CLTA: variants seen among roughly 807,000 people sequenced by gnomAD.
The protein encoded by CLTA is clathrin light chain A, also known as clathrin, light polypeptide (Lca).
In CLTA, 9 loss-of-function variants were observed where a neutral mutation model predicts 26.9. That is an observed-to-expected ratio of 0.33 (90% CI 0.20 to 0.58). The LOEUF is 0.58. Among genes scored for constraint, CLTA ranks in the 20% least tolerant of loss-of-function variants. CLTA has a pLI of 0.85. For missense variants in CLTA, 278 were observed against 294.2 expected (o/e 0.94, Z 0.40); for synonymous variants, 120 against 115.5 (o/e 1.04, Z -0.25).
chr9:36,191,200 C>G lies in CLTA; in HGVS notation c.144C>G (p.Asn48Lys). 1 of 1,575,054 alleles carries G rather than the reference C, an allele frequency of 6.3e-7. No homozygotes were observed. Among genetic ancestry groups the G allele is most frequent in the African/African-American group, 1.4e-5 (1 of 73,914 alleles). Residue 48 changes from asparagine to lysine, a missense_variant, in exon 1 of 5, where the codon AAC becomes AAG. By Grantham distance (94) the Asn-to-Lys change is moderately conservative (BLOSUM62 0). Transcript: ENST00000345519. ...QQESEIAGIE[N>K]DEAFAILDGG... Reference sequence around the variant, plus strand: ...AGAGCGAGATTGCGGGCATCGAGAACGACGAGGCCTTCGCCATCCTGGACG... The same window carrying G: ...AGAGCGAGATTGCGGGCATCGAGAAGGACGAGGCCTTCGCCATCCTGGACG...
Position 36,191,287 on chromosome 9 carries a change from C to T in CLTA, c.217+14C>T. ...CGGGGGGTCCGGGTGAGAGTGCGGG[C>T]GCGTTTGGGGCGAGAGGACTTGTCT... On this transcript the variant is annotated intron_variant, in intron 1 of 4. Transcript: ENST00000345519. The T allele has an allele frequency of 2.0e-6, 3 of 1,503,860 alleles. No homozygotes were observed. The highest frequency in any genetic ancestry group is 2.6e-6 in the Non-Finnish European group (3 of 1,134,000). 93.2% of individuals were successfully genotyped at this position (1,503,860 alleles called of 1,614,324 possible).
chr9:36,204,458 C>T (rs2025879), intron 4 of CLTA, among the ~76,000 whole-genome samples: 57,719 of 151,940 alleles, frequency 0.38, 12,360 homozygotes, highest in African/African-American at 0.59. Context: ...AAGTTACTTT[C>T]CATGGAACCC....
At position 36,211,622 on chromosome 9, in the gene CLTA, G is replaced by A. The variant is rs1409860820; in HGVS notation, c.505G>A (p.Val169Ile). The part of the protein sequence containing the change: ...ANNRAAEEAF[V>I]NDIDESSPGT... Reference sequence around the variant, plus strand: ...TTCCAGGGCAGCAGAAGAAGCCTTTGTAAATGACATTGACGAGTCGTCCCC... The same window carrying A: ...TTCCAGGGCAGCAGAAGAAGCCTTTATAAATGACATTGACGAGTCGTCCCC... The change falls in exon 5 of 5, where the codon GTA becomes ATA. Residue 169 changes from valine to isoleucine, a missense_variant. Transcript: ENST00000345519. 1 of 1,612,980 alleles carries A rather than the reference G, an allele frequency of 6.2e-7. No homozygotes were observed. Among genetic ancestry groups the A allele is most frequent in the Admixed American group, 1.7e-5 (1 of 59,946 alleles).
At chr9:36,203,935 A>G in intron 3 of CLTA, 133 bp from the exon 4 acceptor site, 1 of 1,244,394 alleles carries the variant, frequency 8.0e-7, no homozygotes, top group Non-Finnish European at 1.1e-6. Flanking sequence ...TCCCCTCTCT[A>G]CTCTTCTCCC....
chr9:36,199,119 T>C lies in CLTA; in HGVS notation c.373+23T>C, dbSNP rs1027892301. Reference sequence around the variant, plus strand: ...TTGGTAAGGAATCCCTTCTGTGTTTTGGTGTCTGTTTTCAGTGGAGTAGTT... The same window carrying C: ...TTGGTAAGGAATCCCTTCTGTGTTTCGGTGTCTGTTTTCAGTGGAGTAGTT... On this transcript the variant is annotated intron_variant, in intron 3 of 4. Coordinates refer to ENST00000345519, the MANE Select transcript of CLTA (RefSeq NM_001833.4). The C allele has an allele frequency of 3.3e-6, 5 of 1,497,040 alleles. No homozygotes were observed. The African/African-American group carries it at 6.9e-5, about 21-fold the overall frequency. 92.7% of individuals were successfully genotyped at this position (1,497,040 alleles called of 1,614,324 possible). A position where few individuals can be genotyped will look rare whatever the true frequency, so the allele number is the denominator to read the frequency against.
At chr9:36,198,702 G>GAA (rs546254007) in intron 2 of CLTA, among the ~76,000 whole-genome samples, 12 of 66,272 alleles carry the variant, frequency 1.8e-4, no homozygotes, top group East Asian at 9.0e-4. Context: ...CCCCACCCCA[G>GAA]AAAAAAAAAA....
chr9:36,210,555 T>C, intron 4 of CLTA: 1 of 1,610,466 alleles, frequency 6.2e-7, no homozygotes, highest in Non-Finnish European at 8.5e-7. Context: ...CCATCTGCAT[T>C]GAGCTCATTC....
rs147208924 is a variant in CLTA, at chr9:36,191,337, G to A, written c.217+64G>A. On this transcript the variant is annotated intron_variant, in intron 1 of 4. Transcript: ENST00000345519. Reference sequence around the variant, plus strand: ...TGGAAACTCGGTCCACAGTGGGTCCGAGAGCTTCTGTGTGACTCGTGCTCC... The same window carrying A: ...TGGAAACTCGGTCCACAGTGGGTCCAAGAGCTTCTGTGTGACTCGTGCTCC... 2.7e-4 allele frequency: 388 copies of A among 1,433,166 alleles called. No individual in the cohort carries two copies. The African/African-American group carries it at 4.9e-3, about 18-fold the overall frequency. The allele number at this position is 1,433,166 out of a possible 1,614,324, so 88.8% of individuals were successfully genotyped here. A position where few individuals can be genotyped will look rare whatever the true frequency, so the allele number is the denominator to read the frequency against.
At chr9:36,197,433 G>A in intron 1 of CLTA, 118 bp from the exon 2 acceptor site, 1 of 650,724 alleles carries the variant, frequency 1.5e-6, no homozygotes, top group South Asian at 2.2e-5. Context: ...CCTACCACAG[G>A]GATAGCATTT....
intron 1 of CLTA, among the ~76,000 whole-genome samples, chr9:36,192,332 G>C (rs1826784008): frequency 6.6e-6 from 1 of 152,182 alleles, no homozygotes; most frequent in African/African-American, 2.4e-5. Flanking sequence ...CTGCACTATA[G>C]TAGTGCTCTG....
In CLTA at chr9:36,196,774, A is replaced by G. The variant is rs139863637; in HGVS notation, c.218-777A>G. 1.0e-3 allele frequency among the ~76,000 whole-genome samples: 159 copies of G among 152,344 alleles called. 1 individual carries two copies. Among genetic ancestry groups the G allele is most frequent in the African/African-American group, 3.5e-3 (146 of 41,588 alleles). ...CTTTATAGAGTGCTTAAAAAACTAC[A>G]TAGGTAGGTGGCACATGCCTTAAAG... On this transcript the variant is annotated intron_variant, in intron 1 of 4. Transcript: ENST00000345519.
rs1008537639 is a variant in CLTA, at chr9:36,199,059, A to C, written c.336A>C (p.Lys112Asn). 3.7e-6 allele frequency: 6 copies of C among 1,613,756 alleles called. No homozygotes were observed. Among genetic ancestry groups the C allele is most frequent in the Non-Finnish European group, 5.1e-6 (6 of 1,179,746 alleles). ...AGTCAGAGCCTGAAAGTATCCGTAA[A>C]TGGAGAGAAGAACAAATGGAACGCT... is the stretch of plus-strand genomic sequence containing the variant. Reference protein sequence around the residue: ...RLQSEPESIRKWREEQMERLE... With the variant: ...RLQSEPESIRNWREEQMERLE... Residue 112 changes from lysine (K) to asparagine (N), a missense_variant, in exon 3 of 5, where the codon AAA (lysine) becomes AAC (asparagine). Physicochemically the swap from Lys to Asn is moderately conservative, Grantham distance 94 (BLOSUM62 0). Transcript: ENST00000345519.
chr9:36,208,166 A>G (rs1234928878), intron 4 of CLTA, among the ~76,000 whole-genome samples: 1 of 152,122 alleles, frequency 6.6e-6, no homozygotes, highest in Middle Eastern at 3.2e-3. Flanking sequence ...GCCCACCCCA[A>G]ATCGACTTGA....
intron 1 of CLTA, among the ~76,000 whole-genome samples, chr9:36,197,158 G>A (rs1042198747): frequency 2.6e-5 from 4 of 152,200 alleles, no homozygotes; most frequent in African/African-American, 9.7e-5. Flanking sequence ...CTGGGCGACA[G>A]AGCAAGACTG....
At chr9:36,210,514 T>C in intron 4 of CLTA, 3 of 1,565,464 alleles carry the variant, frequency 1.9e-6, no homozygotes, top group Non-Finnish European at 2.6e-6. Context: ...CAAGCACAGA[T>C]AGAGTGGCAA....
In CLTA at chr9:36,191,013, GT is replaced by G. The variant is rs1176930266; in HGVS notation, c.-39del. 2.7e-6 allele frequency: 4 copies of G among 1,483,960 alleles called. No homozygotes were observed. In the African/African-American group the frequency reaches 4.4e-5, roughly 16 times the overall value. The allele number at this position is 1,483,960 out of a possible 1,614,324, so 91.9% of individuals were successfully genotyped here. A position where few individuals can be genotyped will look rare whatever the true frequency, so the allele number is the denominator to read the frequency against. ...GGGCGTGGTGTCGGTGGGTCGGTTG[GT>G]TTTTGTCTCACCGTTGGTGTCCGTG... is the stretch of plus-strand genomic sequence containing the variant. On this transcript the variant is annotated 5_prime_UTR_variant, in exon 1 of 5. Coordinates refer to ENST00000345519, the MANE Select transcript of CLTA (RefSeq NM_001833.4).
At chr9:36,198,487 G>A (rs948950501) in intron 2 of CLTA, among the ~76,000 whole-genome samples, 1 of 148,778 alleles carries the variant, frequency 6.7e-6, no homozygotes, top group African/African-American at 2.5e-5. Context: ...GACCAGCCTG[G>A]CCAACACAGT....
At chr9:36,203,391 AAC>A (rs1827534253) in intron 3 of CLTA, among the ~76,000 whole-genome samples, 1 of 152,258 alleles carries the variant, frequency 6.6e-6, no homozygotes, top group Admixed American at 6.5e-5. Flanking sequence ...CTCTGCCACA[AAC>A]ACACTGCAGA....
chr9:36,191,536 C>G (rs1053662904), intron 1 of CLTA, among the ~76,000 whole-genome samples: 7 of 152,152 alleles, frequency 4.6e-5, no homozygotes, highest in African/African-American at 1.7e-4. Context: ...CCGGAAGAAG[C>G]CCGTTCAATT....
Sources: gnomAD v4.1 joint callset for allele counts (sites outside exome capture counted in the v4.1 genomes callset) on GRCh38, gnomAD v4.1.1 for gene constraint, MANE v1.5 for transcripts, NCBI Gene and HGNC (gene_info 2026-07-23, HGNC 2026-07-21) for gene names.